OPCML: variants seen among roughly 807,000 people sequenced by gnomAD.
The protein encoded by OPCML is opioid binding protein/cell adhesion molecule like.
A neutral mutation model predicts 37.8 loss-of-function variants in OPCML; 13 were observed. The ratio of observed to expected loss-of-function variants is 0.34; its 90% CI spans 0.22 to 0.55. OPCML has a LOEUF of 0.55. OPCML is among the 20% of genes least tolerant of loss of function. OPCML has a pLI of 0.91. For synonymous variants in OPCML, 176 were observed against 168.8 expected (o/e 1.04, Z -0.33); for missense variants, 341 against 435.6 (o/e 0.78, Z 1.93).
intron 1 of OPCML, among the ~76,000 whole-genome samples, chr11:132,968,978 T>A (rs1309040493): frequency 1.3e-5 from 2 of 152,148 alleles, no homozygotes; most frequent in Non-Finnish European, 2.9e-5. Flanking sequence ...TCACCTTCAT[T>A]TTTTTAAATT....
intron 3 of OPCML, among the ~76,000 whole-genome samples, chr11:132,535,415 T>A (rs1210105322): frequency 6.6e-6 from 1 of 151,840 alleles, no homozygotes; most frequent in Non-Finnish European, 1.5e-5. Context: ...CCAGACCTCA[T>A]CTCAGCTGAG....
intron 1 of OPCML, chr11:133,299,134 G>C (rs1942715198): frequency 2.0e-5 from 3 of 152,160 alleles, no homozygotes; most frequent in Non-Finnish European, 2.9e-5. Context: ...TCACCACCCA[G>C]CACTTTCTGA....
chr11:132,466,446 T>C lies in OPCML; in HGVS notation c.506-29087A>G, dbSNP rs559727295. 6.8e-4 allele frequency among the ~76,000 whole-genome samples: 102 copies of C among 149,730 alleles called. 1 individual carries two copies. Among genetic ancestry groups the C allele is most frequent in the Non-Finnish European group, 1.2e-3 (84 of 67,792 alleles). On this transcript the variant is annotated intron_variant, in intron 4 of 7. Coordinates refer to ENST00000524381, the MANE Select transcript of OPCML (RefSeq NM_001012393.5). ...TTGCAGTGAGCCGAGATCACGCCAC[T>C]GCACTCCAGCCTGGGCGACACAGCG...
intron 1 of OPCML, among the ~76,000 whole-genome samples, chr11:133,125,722 T>C (rs1565459741): frequency 8.0e-6 from 1 of 125,440 alleles, no homozygotes; most frequent in African/African-American, 3.1e-5. Context: ...TATATATGTA[T>C]ATAGTATATA....
At chr11:132,918,434 A>T (rs758345974) in intron 2 of OPCML, among the ~76,000 whole-genome samples, 2 of 152,198 alleles carry the variant, frequency 1.3e-5, no homozygotes, top group Non-Finnish European at 2.9e-5. Flanking sequence ...ACTGACTTCC[A>T]TCATCATTAA....
intron 1 of OPCML, among the ~76,000 whole-genome samples, chr11:133,440,762 T>TTTATA (rs1946347371): frequency 7.9e-6 from 1 of 126,958 alleles, no homozygotes; most frequent in Non-Finnish European, 1.6e-5. Context: ...CCTACAGCAA[T>TTTATA]TATATATATA....
At chr11:132,745,717 G>A (rs141943210) in intron 2 of OPCML, among the ~76,000 whole-genome samples, 3 of 152,054 alleles carry the variant, frequency 2.0e-5, no homozygotes, top group Non-Finnish European at 4.4e-5. Context: ...GCTATTTCAC[G>A]TTGAATGTGT....
chr11:133,057,882 C>T (rs1480144374), intron 1 of OPCML, among the ~76,000 whole-genome samples: 1 of 152,160 alleles, frequency 6.6e-6, no homozygotes, highest in African/African-American at 2.4e-5. Flanking sequence ...CAGGTGTTTG[C>T]AATATAAAAA....
At chr11:132,600,720 G>A (rs1433525628) in intron 3 of OPCML, among the ~76,000 whole-genome samples, 1 of 151,546 alleles carries the variant, frequency 6.6e-6, no homozygotes, top group Non-Finnish European at 1.5e-5. Flanking sequence ...AAATACCCAG[G>A]TTATTATAAC....
In OPCML at chr11:132,742,133, A is replaced by C. The variant is rs200160637; in HGVS notation, c.147-84814T>G. On this transcript the variant is annotated intron_variant, in intron 2 of 7. Transcript: ENST00000524381. ...AATGATGTGATTTTCTATGCTGTGAATACCCAGTCAGTGACGTAACCGCAG... is the reference window on the plus strand; with the variant it reads ...AATGATGTGATTTTCTATGCTGTGACTACCCAGTCAGTGACGTAACCGCAG... 1.5e-4 allele frequency among the ~76,000 whole-genome samples: 23 copies of C among 152,336 alleles called. No homozygotes were observed. In the East Asian group the frequency reaches 3.5e-3, roughly 23 times the overall value.
At chr11:132,655,599 A>G (rs1484586683) in intron 3 of OPCML, among the ~76,000 whole-genome samples, 3 of 152,184 alleles carry the variant, frequency 2.0e-5, no homozygotes, top group Non-Finnish European at 2.9e-5. Context: ...GCACGCGAGG[A>G]GGGGAGCAGG....
At chr11:132,576,368 T>A (rs748864535) in intron 3 of OPCML, among the ~76,000 whole-genome samples, 2 of 152,076 alleles carry the variant, frequency 1.3e-5, no homozygotes, top group Non-Finnish European at 2.9e-5. Context: ...CAATGACTTG[T>A]CTTAGCATTT....
chr11:132,593,843 A>G (rs960457204), intron 3 of OPCML, among the ~76,000 whole-genome samples: 26 of 152,334 alleles, frequency 1.7e-4, no homozygotes, highest in African/African-American at 5.8e-4. Context: ...ATTCTAGGAG[A>G]AAGAATTATT....
chr11:133,231,126 T>C (rs1940257304), intron 1 of OPCML, among the ~76,000 whole-genome samples: 1 of 152,206 alleles, frequency 6.6e-6, no homozygotes, highest in Non-Finnish European at 1.5e-5. Context: ...TCTCCCTTTG[T>C]CTGTTCTAAC....
intron 3 of OPCML, among the ~76,000 whole-genome samples, chr11:132,576,600 A>G (rs537596687): frequency 1.3e-5 from 2 of 152,180 alleles, no homozygotes; most frequent in African/African-American, 4.8e-5. Context: ...TAAATTATGT[A>G]ACTCTATTTC....
chr11:133,516,482 TGCTAAGG>T (rs371670476), intron 1 of OPCML, among the ~76,000 whole-genome samples: 45 of 152,308 alleles, frequency 3.0e-4, no homozygotes, highest in African/African-American at 1.1e-3. Context: ...ACAAAAACTA[TGCTAAGG>T]AGAGGCATCC....
intron 4 of OPCML, among the ~76,000 whole-genome samples, chr11:132,508,900 A>G (rs12273906): frequency 0.2 from 30,444 of 152,194 alleles, 3,134 homozygotes; most frequent in Non-Finnish European, 0.22. Flanking sequence ...GAAAAGATAC[A>G]TGAAAATGTG....
At chr11:132,421,264 C>T (rs1056402945) in intron 7 of OPCML, among the ~76,000 whole-genome samples, 14 of 152,274 alleles carry the variant, frequency 9.2e-5, no homozygotes, top group African/African-American at 3.4e-4. Flanking sequence ...AAAGCAAAAT[C>T]TATTATTACC....
At chr11:133,385,446 G>A (rs1212067545) in intron 1 of OPCML, among the ~76,000 whole-genome samples, 1 of 152,154 alleles carries the variant, frequency 6.6e-6, no homozygotes, top group Non-Finnish European at 1.5e-5. Flanking sequence ...TGTATAGAAG[G>A]CAAAGGCTTG....
Sources: gnomAD v4.1 joint callset for allele counts (sites outside exome capture counted in the v4.1 genomes callset) on GRCh38, gnomAD v4.1.1 for gene constraint, MANE v1.5 for transcripts, NCBI Gene and HGNC (gene_info 2026-07-23, HGNC 2026-07-21) for gene names.